FAM83A: variants seen among roughly 807,000 people sequenced by gnomAD.
The protein encoded by FAM83A is scaffolding CK1 anchoring protein A.
FAM83A carries 21 observed loss-of-function variants against 24.4 expected under a neutral mutation model. That is an observed-to-expected ratio of 0.86 (90% confidence interval 0.61 to 1.24). The LOEUF is 1.24. FAM83A is among the 50% of genes most tolerant of loss of function. The probability of loss-of-function intolerance (pLI) is 0.00; values close to 1 mark genes in which losing one functional copy is unlikely to be tolerated. For missense variants in FAM83A, 617 were observed against 579.8 expected (o/e 1.06, Z -0.66); for synonymous variants, 270 against 252.4 (o/e 1.07, Z -0.66).
Position 123,205,816 on chromosome 8 carries a change from G to A in FAM83A, c.774-1341G>A, listed in dbSNP as rs139519354. On this transcript the variant is annotated intron_variant, in intron 3 of 3. Transcript: ENST00000690554. Reference sequence around the variant, plus strand: ...GGGGGCGGGGGGAGAAACGAAAGGAGTTTTCCATCGGAAACAGAAAAGAGT... The same window carrying A: ...GGGGGCGGGGGGAGAAACGAAAGGAATTTTCCATCGGAAACAGAAAAGAGT... 2.8e-3 allele frequency among the ~76,000 whole-genome samples: 427 copies of A among 152,238 alleles called. 3 individuals carry two copies. The highest frequency in any genetic ancestry group is 4.9e-3 in the Non-Finnish European group (331 of 68,018).
Position 123,207,480 on chromosome 8 carries a change from C to T in FAM83A, c.1097C>T (p.Pro366Leu), listed in dbSNP as rs777524763. The T allele has an allele frequency of 2.0e-5, 31 of 1,585,054 alleles. No homozygotes were observed. In the African/African-American group the frequency reaches 3.9e-4, roughly 20 times the overall value. ...CCCGCGGCCCCACACCCGCCTCCACCGCCCCGGTTCCAGCCCCACCAAGGC... is the reference window on the plus strand; with the variant it reads ...CCCGCGGCCCCACACCCGCCTCCACTGCCCCGGTTCCAGCCCCACCAAGGC... The change falls in exon 4 of 4, where the codon CCG becomes CTG. Residue 366 changes from proline to leucine, a missense_variant. Coordinates refer to ENST00000690554, the Ensembl canonical transcript of FAM83A.
intron 1 of FAM83A, among the ~76,000 whole-genome samples, chr8:123,190,241 C>T (rs897951668): frequency 2.0e-5 from 3 of 151,914 alleles, no homozygotes; most frequent in Admixed American, 6.6e-5. Flanking sequence ...AGAAAATTAA[C>T]ATTTTAAATT....
At chr8:123,184,120 C>T (rs891027924) in intron 1 of FAM83A, among the ~76,000 whole-genome samples, 2 of 152,136 alleles carry the variant, frequency 1.3e-5, no homozygotes, top group Admixed American at 6.5e-5. Context: ...TGCTCCATAC[C>T]AAGTGCCCTG....
chr8:123,181,138 T>C (rs1823589208), upstream of FAM83A, among the ~76,000 whole-genome samples: 1 of 151,576 alleles, frequency 6.6e-6, no homozygotes, highest in South Asian at 2.1e-4. Flanking sequence ...GTAGCGACAG[T>C]GTTTCATCAT....
intron 3 of FAM83A, among the ~76,000 whole-genome samples, chr8:123,200,959 A>AT (rs1231754077): frequency 6.1e-4 from 58 of 94,690 alleles, no homozygotes; most frequent in African/African-American, 3.1e-4. Context: ...CAAATAAACA[A>AT]AAAAAAAAAA....
chr8:123,200,896 A>C (rs1163403475), intron 3 of FAM83A, among the ~76,000 whole-genome samples: 1 of 149,516 alleles, frequency 6.7e-6, no homozygotes, highest in Non-Finnish European at 1.5e-5. Context: ...CAGAGGTTGC[A>C]GTGAGCCGAG....
intron 1 of FAM83A, among the ~76,000 whole-genome samples, chr8:123,187,781 TG>T (rs1417598330): frequency 3.3e-5 from 5 of 152,206 alleles, no homozygotes. Flanking sequence ...GAAAGTGAAG[TG>T]GGGACGAGGC....
chr8:123,192,396 C>A (rs895807896), intron 2 of FAM83A, among the ~76,000 whole-genome samples: 2 of 152,170 alleles, frequency 1.3e-5, no homozygotes, highest in African/African-American at 2.4e-5. Context: ...TCTTACAGGG[C>A]AGGCAACCTC....
chr8:123,198,194 T>C (rs534321275), intron 3 of FAM83A, among the ~76,000 whole-genome samples: 1 of 152,202 alleles, frequency 6.6e-6, no homozygotes, highest in East Asian at 1.9e-4. Context: ...GGATGTTTTT[T>C]AAAAAAAGTC....
At chr8:123,187,093 G>A (rs1823827520) in intron 1 of FAM83A, among the ~76,000 whole-genome samples, 1 of 152,182 alleles carries the variant, frequency 6.6e-6, no homozygotes, top group East Asian at 1.9e-4. Flanking sequence ...CGTTTGCTGG[G>A]CAGAGAAGGA....
At chr8:123,185,414 C>T (rs1823760153) in intron 1 of FAM83A, among the ~76,000 whole-genome samples, 1 of 152,162 alleles carries the variant, frequency 6.6e-6, no homozygotes, top group South Asian at 2.1e-4. Flanking sequence ...AAACACAGTC[C>T]CCTGGCTGAG....
chr8:123,179,389 A>G (rs1391697244), upstream of FAM83A: 1 of 152,192 alleles, frequency 6.6e-6, no homozygotes, highest in Non-Finnish European at 1.5e-5. Flanking sequence ...ACAGTGCAGA[A>G]GGTCTTACCA....
chr8:123,199,336 G>A (rs1824269027), intron 3 of FAM83A, among the ~76,000 whole-genome samples: 1 of 152,192 alleles, frequency 6.6e-6, no homozygotes, highest in Non-Finnish European at 1.5e-5. Flanking sequence ...TTACCAGGCA[G>A]GCCGTGATTA....
chr8:123,205,560 T>C (rs1453209706), intron 3 of FAM83A, among the ~76,000 whole-genome samples: 1 of 152,184 alleles, frequency 6.6e-6, no homozygotes, highest in Admixed American at 6.5e-5. Flanking sequence ...CTCCCAACCC[T>C]GGGCTGAGGC....
In FAM83A at chr8:123,209,009, A is replaced by G. The variant is rs945444153; in HGVS notation, c.*1321A>G. ...GAGAGAGCATAGAGGAGGGTTGGCC[A>G]GCCCTGTGGTGGGTGGGATGTCAGA... On this transcript the variant is annotated 3_prime_UTR_variant, in exon 4 of 4. Transcript: ENST00000690554. The surrounding 1 kb of genome is among the most constrained non-coding windows in gnomAD (Gnocchi z 4.7). 3.0e-6 allele frequency: 3 copies of G among 987,192 alleles called. No homozygotes were observed. The African/African-American group carries it at 5.3e-5, about 17-fold the overall frequency. The allele number at this position is 987,192 out of a possible 1,614,324, so 61.2% of individuals were successfully genotyped here. A position where few individuals can be genotyped will look rare whatever the true frequency, so the allele number is the denominator to read the frequency against.
In FAM83A at chr8:123,183,389, G is replaced by A; in HGVS notation, c.480+53G>A. The A allele has an allele frequency of 9.6e-6, 15 of 1,566,336 alleles. No individual in the cohort carries two copies. In the Middle Eastern group the frequency reaches 2.1e-3, roughly 215 times the overall value. On this transcript the variant is annotated intron_variant, in intron 1 of 3. Transcript: ENST00000690554. ...TGGCCAAGTAGCAGGGAGGATCGGG[G>A]GCTGATAGAGCAGGGAGGGGGGTGC...
At chr8:123,201,149 A>AAAACAG (rs1824346834) in intron 3 of FAM83A, 1 of 152,022 alleles carries the variant, frequency 6.6e-6, no homozygotes, top group African/African-American at 2.4e-5. Context: ...GTCTCAAAAA[A>AAAACAG]AAACAGAAAC....
At chr8:123,182,049 G>A (rs1216940785), upstream of FAM83A, 3 of 456,290 alleles carry the variant, frequency 6.6e-6, no homozygotes, top group East Asian at 6.9e-5. Context: ...TGGTCCCCTG[G>A]GCTCGTGGGC....
chr8:123,208,645 A>G (rs1298058450), exon 4 of FAM83A: 1 of 985,420 alleles, frequency 1.0e-6, no homozygotes, highest in African/African-American at 1.7e-5. Context: ...CTGGGGTGGA[A>G]CTAGGTCCTG....
Sources: gnomAD v4.1 joint callset for allele counts (sites outside exome capture counted in the v4.1 genomes callset) on GRCh38, gnomAD v4.1.1 for gene constraint, Gnocchi (gnomAD v3.1) non-coding constraint, MANE v1.5 for transcripts, NCBI Gene and HGNC (gene_info 2026-07-23, HGNC 2026-07-21) for gene names.